Variants in HIBADH observed in about 807,000 individuals in gnomAD.
The protein encoded by HIBADH is 3-hydroxyisobutyrate dehydrogenase.
A neutral mutation model predicts 36.1 loss-of-function variants in HIBADH; 25 were observed. The ratio of observed to expected loss-of-function variants is 0.69; its 90% confidence interval spans 0.50 to 0.97. HIBADH has a LOEUF of 0.97. Among genes scored for constraint, HIBADH ranks in the 50% least tolerant of loss-of-function variants. The probability of loss-of-function intolerance (pLI) is 0.00; values close to 1 mark genes in which losing one functional copy is unlikely to be tolerated. For missense variants in HIBADH, 421 were observed against 418.0 expected (o/e 1.01, Z -0.06); for synonymous variants, 160 against 149.5 (o/e 1.07, Z -0.51).
At chr7:27,536,489 C>G (rs1198850481) in intron 6 of HIBADH, among the ~76,000 whole-genome samples, 1 of 152,014 alleles carries the variant, frequency 6.6e-6, no homozygotes, top group South Asian at 2.1e-4. Context: ...CATAGTTGAT[C>G]AGAGCCAAAA....
intron 4 of HIBADH, among the ~76,000 whole-genome samples, chr7:27,567,715 T>C (rs991157221): frequency 3.3e-5 from 5 of 152,222 alleles, no homozygotes; most frequent in Non-Finnish European, 7.4e-5. Context: ...TTCATGTCCA[T>C]TGAAAATTAA....
At position 27,546,371 on chromosome 7, in the gene HIBADH, G is replaced by A. The variant is rs149413823; in HGVS notation, c.485-3271C>T. ...TGGGCTCAAGCAATTCTCCTGCCTT[G>A]GTCTCCCAAAGTGCTGGGATTACAG... On this transcript the variant is annotated intron_variant, in intron 4 of 7. Coordinates refer to ENST00000265395, the MANE Select transcript of HIBADH (RefSeq NM_152740.4). Among the ~76,000 whole-genome samples, 514 of 152,052 alleles carry A rather than the reference G, an allele frequency of 3.4e-3. 2 individuals are homozygous for A. Among genetic ancestry groups the A allele is most frequent in the African/African-American group, 0.011 (453 of 41,460 alleles).
At chr7:27,537,488 T>G (rs1784086124) in intron 6 of HIBADH, among the ~76,000 whole-genome samples, 1 of 152,164 alleles carries the variant, frequency 6.6e-6, no homozygotes, top group Non-Finnish European at 1.5e-5. Context: ...TGTGATATAT[T>G]TGGTAAGCAG....
chr7:27,656,194 C>T (rs936082912), intron 1 of HIBADH, among the ~76,000 whole-genome samples: 3 of 152,124 alleles, frequency 2.0e-5, no homozygotes, highest in African/African-American at 7.2e-5. Flanking sequence ...ATGGGTATGG[C>T]TGTGTTCCAA....
intron 4 of HIBADH, among the ~76,000 whole-genome samples, chr7:27,598,729 C>T (rs533632652): frequency 2.3e-4 from 35 of 152,036 alleles, no homozygotes; most frequent in African/African-American, 7.5e-4. Context: ...GGCCATATAC[C>T]TAACACCACT....
intron 6 of HIBADH, 33 bp from the exon 7 acceptor site, chr7:27,531,381 G>A (rs774853912): frequency 1.3e-5 from 20 of 1,583,096 alleles, no homozygotes; most frequent in Middle Eastern, 1.7e-4. Flanking sequence ...AGTGTTAAGT[G>A]TCAAAATGTA....
At chr7:27,635,821 C>T (rs1785831596) in intron 2 of HIBADH, among the ~76,000 whole-genome samples, 1 of 152,180 alleles carries the variant, frequency 6.6e-6, no homozygotes, top group South Asian at 2.1e-4. Context: ...TTCCAACGGC[C>T]TCATACTTAT....
At chr7:27,584,069 T>C (rs1217484946) in intron 4 of HIBADH, among the ~76,000 whole-genome samples, 1 of 152,042 alleles carries the variant, frequency 6.6e-6, no homozygotes, top group Non-Finnish European at 1.5e-5. Flanking sequence ...TGACCTCATA[T>C]AGATAATGCA....
At chr7:27,654,056 CAAATT>C (rs570664216) in intron 1 of HIBADH, among the ~76,000 whole-genome samples, 26 of 152,102 alleles carry the variant, frequency 1.7e-4, no homozygotes, top group Non-Finnish European at 3.2e-4. Flanking sequence ...TTTATCAATA[CAAATT>C]AAATTTCTTG....
chr7:27,543,030 G>C lies in HIBADH; in HGVS notation c.555C>G (p.Ala185=). ...AGCCCATGCACCCCAGCAACTCTTGGGCAGCAGCAAATTCATCTTCAACTC... is the reference window on the plus strand; with the variant it reads ...AGCCCATGCACCCCAGCAACTCTTGCGCAGCAGCAAATTCATCTTCAACTC... The part of the protein sequence containing the change: ...VGGVEDEFAA[A]QELLGCMGSN... Residue 185 remains alanine (A), a synonymous_variant, in exon 5 of 8, where the codon GCC becomes GCG. Coordinates refer to ENST00000265395, the MANE Select transcript of HIBADH (RefSeq NM_152740.4). 1 of 1,613,684 alleles carries C rather than the reference G, an allele frequency of 6.2e-7. No homozygotes were observed.
At position 27,645,368 on chromosome 7, in the gene HIBADH, A is replaced by ATGTTTTTTTTTTTTTT. The variant is rs1554300959; in HGVS notation, c.252+4104_252+4105insAAAAAAAAAAAAAACA. ...CTAGTGGGTGTGTCTCATGGTTTTGATTTTTTTTTTTTTTTTTTTTTTTTT... is the reference window on the plus strand; with the variant it reads ...CTAGTGGGTGTGTCTCATGGTTTTGATGTTTTTTTTTTTTTTTTTTTTTTTTTTTTTTTTTTTTTTT... On this transcript the variant is annotated intron_variant, in intron 2 of 7. Transcript: ENST00000265395. 6.5e-3 allele frequency among the ~76,000 whole-genome samples: 388 copies of ATGTTTTTTTTTTTTTT among 59,636 alleles called. 110 individuals are homozygous for ATGTTTTTTTTTTTTTT. The highest frequency in any genetic ancestry group is 8.9e-3 in the African/African-American group (141 of 15,864). 39.1% of individuals were successfully genotyped at this position (59,636 alleles called of 152,430 possible).
Position 27,632,396 on chromosome 7 carries a change from G to C in HIBADH, c.302C>G (p.Thr101Arg). ...DVAEKADRII[T>R]MLPTSINAIE... ...TGCATTGATACTGGTGGGCAGCATT[G>C]TAATAATTCTGTCAGCTTTTTCAGC... Residue 101 changes from threonine to arginine, a missense_variant, in exon 3 of 8, where the codon ACA becomes AGA. Thr to Arg is a moderately conservative substitution (Grantham distance 71). Coordinates refer to ENST00000265395, the MANE Select transcript of HIBADH (RefSeq NM_152740.4). The C allele has an allele frequency of 6.2e-7, 1 of 1,613,536 alleles. No homozygotes were observed. Among genetic ancestry groups the C allele is most frequent in the Middle Eastern group, 1.7e-4 (1 of 6,054 alleles).
At chr7:27,625,876 C>A (rs1257840533) in intron 4 of HIBADH, among the ~76,000 whole-genome samples, 1 of 151,860 alleles carries the variant, frequency 6.6e-6, no homozygotes, top group Non-Finnish European at 1.5e-5. Context: ...CTAAGGAGGG[C>A]AGAACACCTA....
chr7:27,553,132 C>T (rs1233254999), intron 4 of HIBADH, among the ~76,000 whole-genome samples: 5 of 152,140 alleles, frequency 3.3e-5, no homozygotes, highest in African/African-American at 9.7e-5. Context: ...AAAGCCTACA[C>T]AAGGACAAAG....
At chr7:27,571,618 GT>G (rs1784629986) in intron 4 of HIBADH, among the ~76,000 whole-genome samples, 1 of 152,126 alleles carries the variant, frequency 6.6e-6, no homozygotes, top group East Asian at 1.9e-4. Flanking sequence ...GAATATTTTT[GT>G]TTCTGTTGGC....
intron 7 of HIBADH, 21 bp downstream of exon 7, chr7:27,531,171 G>T: frequency 6.2e-7 from 1 of 1,601,054 alleles, no homozygotes; most frequent in Non-Finnish European, 8.5e-7. Context: ...CTTCTCTCTT[G>T]GGTGTCTACA....
chr7:27,648,485 C>T (rs1407654388), intron 2 of HIBADH, among the ~76,000 whole-genome samples: 1 of 152,172 alleles, frequency 6.6e-6, no homozygotes, highest in African/African-American at 2.4e-5. Context: ...CTAGGTATAG[C>T]ATTTTTCAGT....
intron 4 of HIBADH, among the ~76,000 whole-genome samples, chr7:27,601,452 T>C (rs2128290327): frequency 6.6e-6 from 1 of 152,150 alleles, no homozygotes; most frequent in Non-Finnish European, 1.5e-5. Context: ...TAATCATGTA[T>C]TAACGTTAAA....
chr7:27,603,170 G>C (rs970888292), intron 4 of HIBADH, among the ~76,000 whole-genome samples: 1 of 151,962 alleles, frequency 6.6e-6, no homozygotes, highest in Non-Finnish European at 1.5e-5. Context: ...TGACTAAAAA[G>C]GTAAGTTTAA....
Sources: gnomAD v4.1 joint callset for allele counts (sites outside exome capture counted in the v4.1 genomes callset) on GRCh38, gnomAD v4.1.1 for gene constraint, MANE v1.5 for transcripts, NCBI Gene and HGNC (gene_info 2026-07-23, HGNC 2026-07-21) for gene names.